UBTD2: variants seen among roughly 807,000 people sequenced by gnomAD.
UBTD2 encodes ubiquitin domain containing 2.
UBTD2 carries 9 observed loss-of-function variants against 19.8 expected under a neutral mutation model. That is an observed-to-expected ratio of 0.46 (90% CI 0.27 to 0.79). UBTD2 has a LOEUF of 0.79. Ranked by LOEUF, UBTD2 falls within the 30% of genes least tolerant of loss-of-function variation. The pLI is 0.14. For missense variants in UBTD2, 250 were observed against 300.4 expected (o/e 0.83, Z 1.24); for synonymous variants, 98 against 103.9 (o/e 0.94, Z 0.35).
intron 1 of UBTD2, among the ~76,000 whole-genome samples, chr5:172,236,551 G>A (rs1274480513): frequency 3.3e-5 from 5 of 152,158 alleles, no homozygotes; most frequent in African/African-American, 2.4e-5. Flanking sequence ...GCACCAACAC[G>A]ATGGAATGCA....
At chr5:172,270,911 T>C (rs1755476328) in intron 1 of UBTD2, among the ~76,000 whole-genome samples, 1 of 152,174 alleles carries the variant, frequency 6.6e-6, no homozygotes, top group Non-Finnish European at 1.5e-5. Context: ...ACCACTTCAC[T>C]AATATCACCT....
chr5:172,216,907 A>G (rs1771553900), intron 2 of UBTD2, among the ~76,000 whole-genome samples: 1 of 152,112 alleles, frequency 6.6e-6, no homozygotes, highest in African/African-American at 2.4e-5. Flanking sequence ...TCAAGGGTGC[A>G]GTGAGCCGAG....
intron 1 of UBTD2, among the ~76,000 whole-genome samples, chr5:172,271,947 C>T (rs184823145): frequency 1.8e-4 from 28 of 152,324 alleles, no homozygotes; most frequent in Non-Finnish European, 3.1e-4. Flanking sequence ...AAGCCCAAGT[C>T]ACTAATTCAT....
At chr5:172,237,384 G>T (rs1437121871) in intron 1 of UBTD2, among the ~76,000 whole-genome samples, 2 of 152,170 alleles carry the variant, frequency 1.3e-5, no homozygotes, top group African/African-American at 4.8e-5. Context: ...GAGCCACTGC[G>T]ACAGGCCCCC....
chr5:172,262,415 A>C (rs559854189), intron 1 of UBTD2, among the ~76,000 whole-genome samples: 6 of 139,746 alleles, frequency 4.3e-5, no homozygotes, highest in Admixed American at 7.5e-5. Context: ...GTGCCACTGC[A>C]TTCCAGCCTG....
At chr5:172,277,810 A>C (rs953732328) in intron 1 of UBTD2, among the ~76,000 whole-genome samples, 19 of 151,662 alleles carry the variant, frequency 1.3e-4, no homozygotes, top group African/African-American at 4.6e-4. Flanking sequence ...CATATATTTG[A>C]TAAGGGTTCA....
At chr5:172,281,488 A>C (rs78568594) in intron 1 of UBTD2, among the ~76,000 whole-genome samples, 46,695 of 151,948 alleles carry the variant, frequency 0.31, 7,277 homozygotes, top group South Asian at 0.42. Context: ...ATAAAGCAAG[A>C]ACCTGTCTCG....
intron 1 of UBTD2, among the ~76,000 whole-genome samples, chr5:172,248,409 G>GA (rs2113054757): frequency 6.6e-6 from 1 of 152,240 alleles, no homozygotes; most frequent in East Asian, 1.9e-4. Flanking sequence ...GCAATATGGT[G>GA]AAACCCCATC....
At chr5:172,278,865 C>T (rs1225653438) in intron 1 of UBTD2, among the ~76,000 whole-genome samples, 1 of 152,140 alleles carries the variant, frequency 6.6e-6, no homozygotes. Flanking sequence ...ACCTCTGCCT[C>T]CCATGTTCAA....
chr5:172,268,852 GA>G (rs903506921), intron 1 of UBTD2, among the ~76,000 whole-genome samples: 7 of 152,030 alleles, frequency 4.6e-5, no homozygotes, highest in African/African-American at 1.7e-4. Flanking sequence ...TGATTTTGGG[GA>G]AAAAAACCCA....
At chr5:172,256,545 T>G (rs76690743) in intron 1 of UBTD2, among the ~76,000 whole-genome samples, 1 of 151,964 alleles carries the variant, frequency 6.6e-6, no homozygotes, top group Non-Finnish European at 1.5e-5. Flanking sequence ...TTTTTTTTTT[T>G]TTAGTAGACA....
At chr5:172,235,911 G>T (rs1561855136) in intron 1 of UBTD2, among the ~76,000 whole-genome samples, 1 of 152,014 alleles carries the variant, frequency 6.6e-6, no homozygotes, top group Non-Finnish European at 1.5e-5. Context: ...AAGGAGAGAG[G>T]GTGTGTGTCA....
chr5:172,258,447 T>C (rs569536742), intron 1 of UBTD2, among the ~76,000 whole-genome samples: 1 of 152,332 alleles, frequency 6.6e-6, no homozygotes, highest in East Asian at 1.9e-4. Context: ...TTGCTTAGGA[T>C]TGTTTTGGCT....
At chr5:172,217,888 A>T (rs13185446) in intron 2 of UBTD2, among the ~76,000 whole-genome samples, 6,232 of 152,344 alleles carry the variant, frequency 0.041, 164 homozygotes, top group South Asian at 0.091. Context: ...ATCCACTATT[A>T]TAGTTGAAGC....
At chr5:172,227,922 A>C (rs558807040) in intron 2 of UBTD2, among the ~76,000 whole-genome samples, 25 of 147,276 alleles carry the variant, frequency 1.7e-4, no homozygotes, top group African/African-American at 5.5e-4. Context: ...CTTGTGATCC[A>C]CCCACCTCGG....
chr5:172,269,329 A>G (rs954897617), intron 1 of UBTD2, among the ~76,000 whole-genome samples: 1 of 151,802 alleles, frequency 6.6e-6, no homozygotes, highest in Non-Finnish European at 1.5e-5. Flanking sequence ...ATCTCTACTA[A>G]AAACACAAAA....
chr5:172,247,832 C>G (rs190130772), intron 1 of UBTD2, among the ~76,000 whole-genome samples: 217 of 152,288 alleles, frequency 1.4e-3, no homozygotes, highest in Non-Finnish European at 2.4e-3. Flanking sequence ...ACCAACTAGA[C>G]TTAACTGACA....
At chr5:172,259,967 C>T (rs377663179) in intron 1 of UBTD2, among the ~76,000 whole-genome samples, 4 of 152,134 alleles carry the variant, frequency 2.6e-5, no homozygotes, top group African/African-American at 7.2e-5. Flanking sequence ...GCAGGAGAAT[C>T]GCTTGAACCC....
At position 172,262,178 on chromosome 5, in the gene UBTD2, G is replaced by A. The variant is rs1256166264; in HGVS notation, c.70+21418C>T. Among the ~76,000 whole-genome samples the A allele has an allele frequency of 7.9e-5, 12 of 152,122 alleles. No homozygotes were observed. The South Asian group carries it at 8.3e-4, about 11-fold the overall frequency. On this transcript the variant is annotated intron_variant, in intron 1 of 2. Coordinates refer to ENST00000393792, the MANE Select transcript of UBTD2 (RefSeq NM_152277.3). ...GAATCAAGAAAATGTGGTCGGGAGCGGTGGCTCACATCTATAATCCCAGCA... is the reference window on the plus strand; with the variant it reads ...GAATCAAGAAAATGTGGTCGGGAGCAGTGGCTCACATCTATAATCCCAGCA...
Sources: allele counts gnomAD v4.1 joint callset (sites outside exome capture counted in the v4.1 genomes callset), GRCh38; gene constraint gnomAD v4.1.1; transcripts MANE v1.5; gene names NCBI Gene and HGNC (gene_info 2026-07-23, HGNC 2026-07-21).